The following GPC5 variants were observed in gnomAD, a reference collection of about 807,000 sequenced individuals.
The protein encoded by GPC5 is glypican 5.
A neutral mutation model predicts 53.9 loss-of-function variants in GPC5; 47 were observed. The ratio of observed to expected loss-of-function variants is 0.87; its 90% confidence interval spans 0.69 to 1.11. The LOEUF (loss-of-function observed/expected upper bound fraction) is 1.11. Among genes scored for constraint, GPC5 ranks in the 50% most tolerant of loss-of-function variants. GPC5 has a pLI of 0.00. For synonymous variants in GPC5, 286 were observed against 263.3 expected (o/e 1.09, Z -0.84); for missense variants, 748 against 713.1 (o/e 1.05, Z -0.56).
chr13:91,985,988 T>C (rs2040403520), intron 6 of GPC5, among the ~76,000 whole-genome samples: 1 of 151,466 alleles, frequency 6.6e-6, no homozygotes, highest in Non-Finnish European at 1.5e-5. Flanking sequence ...ATTGTAAAGA[T>C]GAAATTTACT....
chr13:92,820,154 T>C (rs1877626177), intron 7 of GPC5, among the ~76,000 whole-genome samples: 1 of 152,150 alleles, frequency 6.6e-6, no homozygotes, highest in Non-Finnish European at 1.5e-5. Context: ...CTATCTCTTT[T>C]GGTCTCAGAA....
chr13:91,794,250 G>A (rs1383480943), intron 5 of GPC5, among the ~76,000 whole-genome samples: 1 of 152,128 alleles, frequency 6.6e-6, no homozygotes, highest in Non-Finnish European at 1.5e-5. Flanking sequence ...TCTTAGACTA[G>A]TGAGACAGTA....
intron 6 of GPC5, among the ~76,000 whole-genome samples, chr13:92,086,917 C>A (rs1368820679): frequency 1.3e-5 from 2 of 152,190 alleles, no homozygotes; most frequent in Non-Finnish European, 2.9e-5. Context: ...CCTTGGCCTC[C>A]CAAAGTGCTG....
At chr13:92,260,541 C>A (rs1166427584) in intron 7 of GPC5, among the ~76,000 whole-genome samples, 1 of 152,122 alleles carries the variant, frequency 6.6e-6, no homozygotes. Flanking sequence ...GTGCTCCTTG[C>A]CTTACATCCT....
chr13:91,421,803 A>G (rs564915528), intron 1 of GPC5, among the ~76,000 whole-genome samples: 2 of 152,342 alleles, frequency 1.3e-5, no homozygotes, highest in African/African-American at 2.4e-5. Flanking sequence ...ATGAGACAAT[A>G]AGAGTGGAAA....
intron 2 of GPC5, among the ~76,000 whole-genome samples, chr13:91,503,684 G>A (rs566315848): frequency 2.0e-5 from 3 of 151,352 alleles, no homozygotes; most frequent in African/African-American, 7.3e-5. Flanking sequence ...GTAGGCTGAG[G>A]CAGGAGAATT....
chr13:92,577,412 A>ATGTG lies in GPC5; in HGVS notation c.1562-288867_1562-288866insGTGT, dbSNP rs1198171581. 3.7e-3 allele frequency among the ~76,000 whole-genome samples: 401 copies of ATGTG among 107,364 alleles called. 3 individuals carry two copies. The highest frequency in any genetic ancestry group is 0.012 in the African/African-American group (373 of 30,048). The allele number at this position is 107,364 out of a possible 152,430, so 70.4% of individuals were successfully genotyped here. A position where few individuals can be genotyped will look rare whatever the true frequency, so the allele number is the denominator to read the frequency against. ...TCGACATGAATGAATGTAAGTATGT[A>ATGTG]TGTATATGTGTGTGTGTGTGTGTGT... On this transcript the variant is annotated intron_variant, in intron 7 of 7. Coordinates refer to ENST00000377067, the MANE Select transcript of GPC5 (RefSeq NM_004466.6).
intron 6 of GPC5, among the ~76,000 whole-genome samples, chr13:91,993,151 A>G (rs530305975): frequency 2.0e-5 from 3 of 152,310 alleles, no homozygotes; most frequent in East Asian, 3.9e-4. Flanking sequence ...GAGCTAAAAT[A>G]TATATTTGAA....
intron 7 of GPC5, among the ~76,000 whole-genome samples, chr13:92,426,520 A>G (rs1298430225): frequency 6.6e-6 from 1 of 152,102 alleles, no homozygotes; most frequent in East Asian, 1.9e-4. Flanking sequence ...AGACTAGCTA[A>G]AATGTCAAGG....
At chr13:92,841,856 G>A (rs761803889) in intron 7 of GPC5, among the ~76,000 whole-genome samples, 8 of 152,040 alleles carry the variant, frequency 5.3e-5, no homozygotes, top group Admixed American at 1.3e-4. Context: ...CATAGACTAG[G>A]TTTTACTGAT....
chr13:92,751,290 A>G (rs1889383204), intron 7 of GPC5, among the ~76,000 whole-genome samples: 1 of 124,114 alleles, frequency 8.1e-6, no homozygotes, highest in Non-Finnish European at 1.6e-5. Flanking sequence ...ACCTTTGGTC[A>G]TCCAGAAACA....
intron 6 of GPC5, among the ~76,000 whole-genome samples, chr13:92,027,556 A>C (rs538054691): frequency 4.6e-5 from 7 of 152,308 alleles, no homozygotes; most frequent in African/African-American, 1.7e-4. Context: ...TTATCGTATT[A>C]TCTAACTTCA....
intron 6 of GPC5, among the ~76,000 whole-genome samples, chr13:92,124,005 C>G (rs1007804840): frequency 1.3e-5 from 2 of 151,914 alleles, no homozygotes; most frequent in African/African-American, 4.8e-5. Context: ...TTTTCGTTTT[C>G]AGCTTTGTTT....
At chr13:92,432,106 G>A (rs1427293829) in intron 7 of GPC5, among the ~76,000 whole-genome samples, 1 of 152,090 alleles carries the variant, frequency 6.6e-6, no homozygotes, top group African/African-American at 2.4e-5. Context: ...TGGAATTGGG[G>A]CACTTATAAG....
At chr13:91,956,794 T>C (rs922419069) in intron 6 of GPC5, among the ~76,000 whole-genome samples, 1 of 152,110 alleles carries the variant, frequency 6.6e-6, no homozygotes, top group Non-Finnish European at 1.5e-5. Flanking sequence ...CAATTATTAA[T>C]AACACCAGAG....
chr13:92,028,026 T>A lies in GPC5; in HGVS notation c.1402-116804T>A, dbSNP rs138136730. Among the ~76,000 whole-genome samples, 309 of 152,316 alleles carry A rather than the reference T, an allele frequency of 2.0e-3. 3 individuals are homozygous for A. Among genetic ancestry groups the A allele is most frequent in the African/African-American group, 7.1e-3 (297 of 41,580 alleles). On this transcript the variant is annotated intron_variant, in intron 6 of 7. Transcript: ENST00000377067. ...TTGAAATATAGAGGTTAGTAAAAAG[T>A]AAATGTCAATAACATTGGGGTAAAT...
chr13:91,571,741 A>ATATATACACACATATACATGTGTATGTG (rs2031791993), intron 2 of GPC5, among the ~76,000 whole-genome samples: 1 of 124,802 alleles, frequency 8.0e-6, no homozygotes, highest in Non-Finnish European at 1.6e-5. Context: ...ATATATATGT[A>ATATATACACACATATACATGTGTATGTG]TATATACACA....
chr13:92,599,853 A>G (rs559438976), intron 7 of GPC5, among the ~76,000 whole-genome samples: 126 of 152,320 alleles, frequency 8.3e-4, no homozygotes, highest in African/African-American at 3.0e-3. Flanking sequence ...ATACAACACA[A>G]AATTTGCCCT....
intron 7 of GPC5, among the ~76,000 whole-genome samples, chr13:92,560,855 ATATGTGTGTGTG>A (rs1424915534): frequency 1.5e-4 from 13 of 86,674 alleles, no homozygotes; most frequent in African/African-American, 3.3e-4. Context: ...ATAGAAAATT[ATATGTGTGTGTG>A]TGTGTGTGTG....
Sources: gnomAD v4.1 joint callset for allele counts (sites outside exome capture counted in the v4.1 genomes callset) on GRCh38, gnomAD v4.1.1 for gene constraint, MANE v1.5 for transcripts, NCBI Gene and HGNC (gene_info 2026-07-23, HGNC 2026-07-21) for gene names.